Variants in SV2C observed in about 807,000 individuals in gnomAD.
SV2C encodes the protein solute carrier family 22 member B3.
Under a neutral mutation model 79.7 loss-of-function variants are expected in SV2C, and 49 were observed. The ratio of observed to expected loss-of-function variants is 0.61; its 90% CI spans 0.49 to 0.78. The LOEUF is 0.78. Ranked by LOEUF, SV2C falls within the 30% of genes least tolerant of loss-of-function variation. The probability of loss-of-function intolerance (pLI) is 0.00; values close to 1 mark genes in which losing one functional copy is unlikely to be tolerated. For missense variants in SV2C, 833 were observed against 912.9 expected, an observed-to-expected ratio of 0.91 and a Z score of 1.13; for synonymous variants, 334 against 333.2, an observed-to-expected ratio of 1.00 and a Z score of -0.03.
Position 76,249,187 on chromosome 5 carries a change from G to C in SV2C, c.914-35975G>C, listed in dbSNP as rs901324491. 3.9e-5 allele frequency among the ~76,000 whole-genome samples: 6 copies of C among 152,228 alleles called. No homozygotes were observed. The South Asian group carries it at 8.3e-4, about 21-fold the overall frequency. ...GGACACAGTTGGAAGTATACACACA[G>C]AAGTTCTCCAAGAGCTGCTTCTATC... is the stretch of plus-strand genomic sequence containing the variant. On this transcript the variant is annotated intron_variant, in intron 4 of 12. Coordinates refer to ENST00000502798, the MANE Select transcript of SV2C (RefSeq NM_014979.4).
At chr5:76,037,743 G>T in the SV2C span, among the ~76,000 whole-genome samples, 51 of 152,214 alleles carry the variant, frequency 3.4e-4, no homozygotes, top group Admixed American at 1.6e-3. Context: ...ACAGAGGCAG[G>T]CAGGCCTCCT....
At chr5:76,007,156 A>G in the SV2C span, among the ~76,000 whole-genome samples, 2 of 152,118 alleles carry the variant, frequency 1.3e-5, no homozygotes, top group Admixed American at 6.5e-5. Flanking sequence ...GAGTCTATGC[A>G]GTGATTTTCT....
chr5:76,319,739 A>G lies in SV2C; in HGVS notation c.2001-5625A>G, dbSNP rs535011442. 3.9e-5 allele frequency among the ~76,000 whole-genome samples: 6 copies of G among 152,328 alleles called. No homozygotes were observed. In the South Asian group the frequency reaches 1.2e-3, roughly 32 times the overall value. ...TCCTCGAGTACAGTTTCAGTGATAC[A>G]AGGAGATAGCAGCCCACATTTTATA... On this transcript the variant is annotated intron_variant, in intron 12 of 12. Transcript: ENST00000502798.
In SV2C at chr5:76,122,278, A is replaced by G. The variant is rs373347944; in HGVS notation, c.-101-9372A>G. On this transcript the variant is annotated intron_variant, in intron 1 of 12. Transcript: ENST00000502798. The stretch of plus-strand genomic sequence containing the variant: ...GCTTAAGGAGATTTTGGGCTGAGAC[A>G]ATGGGGTTTTCTAGATATACAATCA... Among the ~76,000 whole-genome samples, 1,182 of 151,486 alleles carry G rather than the reference A, an allele frequency of 7.8e-3. 23 individuals carry two copies. Among genetic ancestry groups the G allele is most frequent in the African/African-American group, 0.027 (1,112 of 41,020 alleles).
chr5:76,056,633 T>C, the SV2C span, among the ~76,000 whole-genome samples: 1 of 147,184 alleles, frequency 6.8e-6, no homozygotes, highest in African/African-American at 2.5e-5. Flanking sequence ...TCTTTTTTTT[T>C]TTTTTTTTTT....
chr5:76,140,271 G>A (rs1749208490), intron 2 of SV2C, among the ~76,000 whole-genome samples: 1 of 152,116 alleles, frequency 6.6e-6, no homozygotes, highest in African/African-American at 2.4e-5. Flanking sequence ...TTCTCTTTCT[G>A]TAGTTTTTAC....
At chr5:76,058,357 G>GA in the SV2C span, among the ~76,000 whole-genome samples, 1 of 152,064 alleles carries the variant, frequency 6.6e-6, no homozygotes, top group African/African-American at 2.4e-5. Context: ...ATCAACCCTG[G>GA]AAAAAACTTG....
the SV2C span, among the ~76,000 whole-genome samples, chr5:76,045,492 A>G: frequency 6.6e-6 from 1 of 152,140 alleles, no homozygotes; most frequent in Admixed American, 6.5e-5. Flanking sequence ...GAAACTATAA[A>G]TTACCTTGGG....
intron 2 of SV2C, among the ~76,000 whole-genome samples, chr5:76,137,744 A>G (rs1468443667): frequency 6.6e-6 from 1 of 152,206 alleles, no homozygotes; most frequent in Non-Finnish European, 1.5e-5. Flanking sequence ...CAGAACCAGT[A>G]GCCATGTTTA....
At chr5:76,319,670 G>C (rs1046613158) in intron 12 of SV2C, among the ~76,000 whole-genome samples, 1 of 152,078 alleles carries the variant, frequency 6.6e-6, no homozygotes, top group Non-Finnish European at 1.5e-5. Flanking sequence ...TGCTCCTAAC[G>C]CATCTGCCTT....
chr5:76,125,289 A>G (rs1224245520), intron 1 of SV2C, among the ~76,000 whole-genome samples: 1 of 152,210 alleles, frequency 6.6e-6, no homozygotes, highest in African/African-American at 2.4e-5. Flanking sequence ...TTTTTGATAC[A>G]CTTGAAAGAA....
chr5:76,013,173 T>C, the SV2C span, among the ~76,000 whole-genome samples: 7 of 152,244 alleles, frequency 4.6e-5, no homozygotes, highest in African/African-American at 1.4e-4. Flanking sequence ...GGGGATAGCA[T>C]TGAATCTATA....
intron 1 of SV2C, among the ~76,000 whole-genome samples, chr5:76,116,831 C>T (rs753901228): frequency 2.0e-5 from 3 of 152,160 alleles, no homozygotes; most frequent in African/African-American, 4.8e-5. Context: ...CCCCAAAGAG[C>T]TATGAGATCT....
chr5:76,009,991 G>GTT, the SV2C span, among the ~76,000 whole-genome samples: 1,003 of 112,556 alleles, frequency 8.9e-3, 15 homozygotes, highest in South Asian at 0.027. Context: ...TATCTATTTT[G>GTT]TTTTTTTTTT....
intron 2 of SV2C, among the ~76,000 whole-genome samples, chr5:76,164,085 A>G (rs78444811): frequency 6.6e-6 from 1 of 152,200 alleles, no homozygotes; most frequent in African/African-American, 2.4e-5. Context: ...TCTTCTTTCA[A>G]CAAAGATGGG....
chr5:76,332,942 G>C lies in SV2C; in HGVS notation c.*7395G>C, dbSNP rs1749228520. 6.6e-6 allele frequency: 1 copy of C among 152,098 alleles called. No individual in the cohort carries two copies. Among genetic ancestry groups the C allele is most frequent in the South Asian group, 2.1e-4 (1 of 4,822 alleles). The allele number at this position is 152,098 out of a possible 1,614,324, so 9.4% of individuals were successfully genotyped here. ...GCTCAACCTCATGTGATTCACAAAG[G>C]GTTTCTTTCTGCATTTGTATTGACT... On this transcript the variant is annotated 3_prime_UTR_variant, in exon 13 of 13. Transcript: ENST00000502798.
chr5:75,961,111 C>T, the SV2C span, among the ~76,000 whole-genome samples: 4 of 152,084 alleles, frequency 2.6e-5, no homozygotes, highest in African/African-American at 9.6e-5. Context: ...ATAAAATATG[C>T]TCTTTCCTTC....
chr5:76,349,295 T>C (rs1027769665), intron 12 of SV2C, among the ~76,000 whole-genome samples: 1 of 152,136 alleles, frequency 6.6e-6, no homozygotes, highest in Non-Finnish European at 1.5e-5. Context: ...GGGGATCACG[T>C]GAGGTTAGGA....
At chr5:76,298,278 C>T (rs1236499296) in intron 9 of SV2C, among the ~76,000 whole-genome samples, 1 of 151,772 alleles carries the variant, frequency 6.6e-6, no homozygotes, top group Non-Finnish European at 1.5e-5. Flanking sequence ...AAACAGAATT[C>T]TCATGCTCTC....
Sources: gnomAD v4.1 joint callset for allele counts (sites outside exome capture counted in the v4.1 genomes callset) on GRCh38, gnomAD v4.1.1 for gene constraint, MANE v1.5 for transcripts, NCBI Gene and HGNC (gene_info 2026-07-23, HGNC 2026-07-21) for gene names.